The following CRACD variants were observed in gnomAD, a reference collection of about 807,000 sequenced individuals.
CRACD encodes the protein capping protein-inhibiting regulator of actin dynamics.
CRACD carries 56 observed loss-of-function variants against 106.8 expected under a neutral mutation model. The ratio of observed to expected loss-of-function variants is 0.52; its 90% confidence interval spans 0.42 to 0.66. The LOEUF is 0.66. Ranked by LOEUF, CRACD falls within the 30% of genes least tolerant of loss-of-function variation. The pLI, the probability that CRACD is intolerant of heterozygous loss-of-function variation, is 0.00. For synonymous variants in CRACD, 754 were observed against 670.8 expected (o/e 1.12, Z -1.92); for missense variants, 1,730 against 1,623.2 (o/e 1.07, Z -1.13).
At chr4:56,121,064 C>T (rs575820183) in intron 1 of CRACD, among the ~76,000 whole-genome samples, 15 of 152,188 alleles carry the variant, frequency 9.9e-5, no homozygotes, top group Admixed American at 8.5e-4. Context: ...GAATATATAA[C>T]CTGGACTGGA....
chr4:56,050,092 G>A (rs1458061108), intron 1 of CRACD: 3 of 151,388 alleles, frequency 2.0e-5, no homozygotes, highest in Non-Finnish European at 2.9e-5. Flanking sequence ...ATGTGTTCTT[G>A]AGTTAGAGAC....
At chr4:56,288,868 A>G (rs1177542596) in intron 3 of CRACD, among the ~76,000 whole-genome samples, 5 of 152,256 alleles carry the variant, frequency 3.3e-5, no homozygotes, top group African/African-American at 1.2e-4. Flanking sequence ...AAAAGGAGAA[A>G]CAACCCAAAT....
intron 2 of CRACD, among the ~76,000 whole-genome samples, chr4:56,226,124 G>GA (rs113749212): frequency 0.4 from 60,291 of 151,778 alleles, 12,378 homozygotes; most frequent in African/African-American, 0.51. Context: ...ATTGGGTCAC[G>GA]TTGGGTTTTC....
At chr4:56,182,123 G>A (rs1254910139) in intron 2 of CRACD, among the ~76,000 whole-genome samples, 2 of 152,138 alleles carry the variant, frequency 1.3e-5, no homozygotes, top group African/African-American at 2.4e-5. Flanking sequence ...GCTCACACCT[G>A]TAATCCCAGC....
chr4:56,324,335 C>A, intron 10 of CRACD, 69 bp downstream of exon 10: 1 of 1,460,056 alleles, frequency 6.8e-7, no homozygotes, highest in Non-Finnish European at 9.3e-7. Flanking sequence ...GCTTTATATC[C>A]TACAGTGTAA....
intron 1 of CRACD, among the ~76,000 whole-genome samples, chr4:56,152,773 G>C (rs537977759): frequency 6.4e-4 from 98 of 152,182 alleles, no homozygotes; most frequent in African/African-American, 2.3e-3. Context: ...TTTTTGATAT[G>C]TCACCCTTTT....
intron 3 of CRACD, among the ~76,000 whole-genome samples, chr4:56,276,098 C>A (rs1458973464): frequency 1.3e-5 from 2 of 152,118 alleles, no homozygotes; most frequent in South Asian, 2.1e-4. Flanking sequence ...AGGTTAGAAG[C>A]CTTTATCTCT....
At chr4:56,058,130 C>T (rs1029523507) in intron 1 of CRACD, among the ~76,000 whole-genome samples, 8 of 151,872 alleles carry the variant, frequency 5.3e-5, no homozygotes, top group African/African-American at 1.9e-4. Context: ...GGTGCAGTGG[C>T]ACCATCTCGG....
At chr4:56,197,952 C>T (rs1005463914) in intron 2 of CRACD, among the ~76,000 whole-genome samples, 2 of 152,194 alleles carry the variant, frequency 1.3e-5, no homozygotes, top group African/African-American at 2.4e-5. Flanking sequence ...GCTGGAATTA[C>T]AGGCGTGAGC....
rs1241169681 is a variant in CRACD, at chr4:56,330,489, CTT to C, written c.*2686_*2687del. Among the ~76,000 whole-genome samples, 1 of 152,000 alleles carries C rather than the reference CTT, an allele frequency of 6.6e-6. No homozygotes were observed. Reference sequence around the variant, plus strand: ...ATTTTTACCAACAGTAAAGTAGAGACTTAATGAAAATACCTTAGTGTGATTTT... The same window carrying C: ...ATTTTTACCAACAGTAAAGTAGAGACAATGAAAATACCTTAGTGTGATTTT... On this transcript the variant is annotated 3_prime_UTR_variant, in exon 11 of 11. Transcript: ENST00000682029.
chr4:56,315,928 A>G lies in CRACD; in HGVS notation c.2426A>G (p.Lys809Arg), dbSNP rs546337046. The change falls in exon 8 of 11, where the codon AAA (lysine) becomes AGA (arginine). Residue 809 changes from lysine (K) to arginine (R), a missense_variant. Lys to Arg is a conservative substitution (Grantham distance 26). Transcript: ENST00000682029. This position sits in a 1 kb window ranked among gnomAD's most constrained non-coding sequence, Gnocchi z 4.1. ...LVPSLPYPPQ[K>R]VVAHTEFTTS... ...CCAAGCCTTCCTTACCCTCCGCAGA[A>G]AGTGGTGGCCCACACAGAGTTCACG... 6.2e-7 allele frequency: 1 copy of G among 1,614,212 alleles called. No individual in the cohort carries two copies. The highest frequency in any genetic ancestry group is 1.1e-5 in the South Asian group (1 of 91,082).
At chr4:56,155,642 A>G (rs910940447) in intron 1 of CRACD, among the ~76,000 whole-genome samples, 6 of 152,222 alleles carry the variant, frequency 3.9e-5, no homozygotes, top group Non-Finnish European at 5.9e-5. Context: ...CCAGATTTCA[A>G]ACCTACGCTG....
chr4:56,099,728 G>A (rs1339278556), intron 1 of CRACD, among the ~76,000 whole-genome samples: 1 of 152,202 alleles, frequency 6.6e-6, no homozygotes, highest in Non-Finnish European at 1.5e-5. Context: ...CATGCTGGAA[G>A]TGGGACAGGC....
chr4:56,101,255 C>CTTG (rs35041775), intron 1 of CRACD, among the ~76,000 whole-genome samples: 3 of 151,796 alleles, frequency 2.0e-5, no homozygotes, highest in Admixed American at 6.6e-5. Context: ...TCCTCCTGTC[C>CTTG]TTGTTGTTGT....
intron 1 of CRACD, among the ~76,000 whole-genome samples, chr4:56,091,682 C>T (rs771503035): frequency 3.9e-5 from 6 of 152,138 alleles, no homozygotes; most frequent in Non-Finnish European, 7.3e-5. Context: ...TCTGTTATCT[C>T]CTCCTAGGTT....
intron 1 of CRACD, among the ~76,000 whole-genome samples, chr4:56,095,514 G>C (rs1166409995): frequency 6.6e-6 from 1 of 152,170 alleles, no homozygotes; most frequent in East Asian, 1.9e-4. Flanking sequence ...CGAGGTGGTA[G>C]CACGCGGCTA....
chr4:56,123,821 G>A (rs1021507891), intron 1 of CRACD, among the ~76,000 whole-genome samples: 2 of 152,176 alleles, frequency 1.3e-5, no homozygotes, highest in Non-Finnish European at 1.5e-5. Context: ...AACCTAGACT[G>A]TATTCAGTAA....
chr4:56,289,502 T>C (rs941974396), intron 3 of CRACD, among the ~76,000 whole-genome samples: 4 of 151,970 alleles, frequency 2.6e-5, no homozygotes, highest in African/African-American at 9.7e-5. Flanking sequence ...CAAGATCCCA[T>C]CTTTATGAAA....
At chr4:56,194,032 C>CT (rs763009533) in intron 2 of CRACD, among the ~76,000 whole-genome samples, 13 of 152,092 alleles carry the variant, frequency 8.5e-5, no homozygotes, top group Non-Finnish European at 1.6e-4. Flanking sequence ...GCATAAAATG[C>CT]TTAGGAATAC....
Sources: allele counts gnomAD v4.1 joint callset (sites outside exome capture counted in the v4.1 genomes callset), GRCh38; gene constraint gnomAD v4.1.1; non-coding constraint Gnocchi (gnomAD v3.1); transcripts MANE v1.5; gene names NCBI Gene and HGNC (gene_info 2026-07-23, HGNC 2026-07-21).